The following MTUS1 variants were observed in gnomAD, a reference collection of about 807,000 sequenced individuals.
MTUS1 encodes microtubule-associated tumor suppressor 1.
Under a neutral mutation model 120.8 loss-of-function variants are expected in MTUS1, and 109 were observed. That is an observed-to-expected ratio of 0.90 (90% confidence interval 0.77 to 1.06). The LOEUF (loss-of-function observed/expected upper bound fraction) is 1.06. Among genes scored for constraint, MTUS1 ranks in the 50% least tolerant of loss-of-function variants. The pLI, the probability that MTUS1 is intolerant of heterozygous loss-of-function variation, is 0.00. For missense variants in MTUS1, 2,210 were observed against 1,486.3 expected, an observed-to-expected ratio of 1.49 and a Z score of -8.01; for synonymous variants, 737 against 550.5, an observed-to-expected ratio of 1.34 and a Z score of -4.74.
chr8:17,647,339 G>A (rs1400714961), intron 13 of MTUS1: 1 of 338,284 alleles, frequency 3.0e-6, no homozygotes, highest in Non-Finnish European at 5.3e-6. Context: ...TCCAGGTCAT[G>A]TTGTTTTGGA....
intron 6 of MTUS1, chr8:17,704,230 T>A (rs1489319455): frequency 2.6e-5 from 4 of 152,188 alleles, no homozygotes; most frequent in Non-Finnish European, 4.4e-5. Context: ...TTTTCTCCTA[T>A]CTCATAGGCT....
chr8:17,734,618 C>G (rs958925899), intron 3 of MTUS1, among the ~76,000 whole-genome samples: 3 of 152,108 alleles, frequency 2.0e-5, no homozygotes, highest in African/African-American at 7.2e-5. Flanking sequence ...AGTCACAGGC[C>G]TGGAACATGT....
intron 1 of MTUS1, among the ~76,000 whole-genome samples, chr8:17,766,076 T>G (rs1280751338): frequency 6.6e-6 from 1 of 152,208 alleles, no homozygotes; most frequent in East Asian, 1.9e-4. Context: ...AAAGCTTAAT[T>G]GTCACTTTAG....
intron 3 of MTUS1, chr8:17,724,066 T>C (rs1009670960): frequency 1.7e-6 from 1 of 580,628 alleles, no homozygotes; most frequent in Non-Finnish European, 3.1e-6. Flanking sequence ...ATGAGAAGTG[T>C]AGGAGTAACC....
chr8:17,739,370 G>C (rs1199870546), intron 3 of MTUS1, among the ~76,000 whole-genome samples: 1 of 152,098 alleles, frequency 6.6e-6, no homozygotes, highest in Admixed American at 6.6e-5. Flanking sequence ...GTTCATGCCT[G>C]TAATCCCAGC....
At chr8:17,682,789 C>G (rs1201220196) in intron 7 of MTUS1, among the ~76,000 whole-genome samples, 1 of 152,156 alleles carries the variant, frequency 6.6e-6, no homozygotes, top group Non-Finnish European at 1.5e-5. Context: ...TGATAGTATA[C>G]AGTTTCTAGT....
At chr8:17,674,284 G>T (rs1812615128) in intron 8 of MTUS1, among the ~76,000 whole-genome samples, 1 of 152,094 alleles carries the variant, frequency 6.6e-6, no homozygotes, top group African/African-American at 2.4e-5. Context: ...GCTGGGTGTG[G>T]TGGTGTGCTC....
intron 8 of MTUS1, among the ~76,000 whole-genome samples, chr8:17,662,828 G>A (rs955487510): frequency 1.5e-5 from 2 of 132,570 alleles, no homozygotes; most frequent in Non-Finnish European, 3.2e-5. Context: ...CAGTTCTCAG[G>A]ATTTAAGGAA....
intron 4 of MTUS1, among the ~76,000 whole-genome samples, chr8:17,721,043 A>G (rs191341673): frequency 2.0e-5 from 3 of 152,318 alleles, no homozygotes. Flanking sequence ...CCCAGTGCTA[A>G]TTTTACAACA....
chr8:17,701,051 A>C (rs186415292), intron 6 of MTUS1, among the ~76,000 whole-genome samples: 1 of 152,236 alleles, frequency 6.6e-6, no homozygotes, highest in East Asian at 1.9e-4. Flanking sequence ...TTTATCTGTT[A>C]TTGTTTGTTG....
chr8:17,792,632 G>A lies in MTUS1; in HGVS notation c.-155+8429C>T, dbSNP rs531704231. Among the ~76,000 whole-genome samples, 160 of 152,344 alleles carry A rather than the reference G, an allele frequency of 1.1e-3. 4 individuals are homozygous for A. In the South Asian group the frequency reaches 0.03, roughly 29 times the overall value. On this transcript the variant is annotated intron_variant, in intron 1 of 14. Coordinates refer to ENST00000693296, the MANE Select transcript of MTUS1 (RefSeq NM_001363059.2). ...TAATCCCAGCACTTTGGAAGGACAA[G>A]GTGGACAGATCGCCTGAGGCCAGGA... is the stretch of plus-strand genomic sequence containing the variant.
intron 7 of MTUS1, among the ~76,000 whole-genome samples, chr8:17,681,906 TATAAA>T (rs1814600410): frequency 6.6e-6 from 1 of 152,130 alleles, no homozygotes; most frequent in Non-Finnish European, 1.5e-5. Context: ...CAAATATATA[TATAAA>T]ATAATATTTC....
rs1032324862 is a variant in MTUS1 at position 17,767,385 on chromosome 8, TAAA to T, written c.-154-11427_-154-11425del. Among the ~76,000 whole-genome samples, 3 of 150,164 alleles carry T rather than the reference TAAA, an allele frequency of 2.0e-5. No homozygotes were observed. The East Asian group carries it at 5.8e-4, about 29-fold the overall frequency. On this transcript the variant is annotated intron_variant, in intron 1 of 14. Transcript: ENST00000693296. ...GTGATTAAAGCTTCCATTAGCAGTT[TAAA>T]AAAAAAGAGTGAGAGGAGGTAAAAG...
chr8:17,778,555 G>A (rs1277710952), intron 1 of MTUS1, among the ~76,000 whole-genome samples: 2 of 152,100 alleles, frequency 1.3e-5, no homozygotes, highest in African/African-American at 4.8e-5. Context: ...GGTGGCTCAC[G>A]CCTGTAATCC....
intron 3 of MTUS1, 195 bp from the exon 4 acceptor site, chr8:17,724,028 A>G (rs1004015737): frequency 1.6e-5 from 9 of 579,768 alleles, no homozygotes; most frequent in Admixed American, 3.2e-5. Context: ...TAGAGGCAAG[A>G]GAGCAGAAAT....
At chr8:17,674,743 T>G in intron 8 of MTUS1, 2 of 995,564 alleles carry the variant, frequency 2.0e-6, no homozygotes, top group Non-Finnish European at 2.4e-6. Flanking sequence ...CAAGTTGCCT[T>G]CATGGACAGC....
intron 6 of MTUS1, among the ~76,000 whole-genome samples, chr8:17,692,451 G>C (rs1817142842): frequency 6.6e-6 from 1 of 152,158 alleles, no homozygotes; most frequent in Non-Finnish European, 1.5e-5. Context: ...CAACCTCAAA[G>C]CTGCTTTTCT....
chr8:17,776,702 AAAAAAT>A (rs1304171856), intron 1 of MTUS1, among the ~76,000 whole-genome samples: 1 of 151,150 alleles, frequency 6.6e-6, no homozygotes, highest in East Asian at 1.9e-4. Flanking sequence ...AAAAAAAAAA[AAAAAAT>A]CTCAGATACA....
chr8:17,776,678 CAAAAAAAAAAAAAAAAAA>C (rs71215272), intron 1 of MTUS1, among the ~76,000 whole-genome samples: 5 of 55,156 alleles, frequency 9.1e-5, no homozygotes, highest in Non-Finnish European at 1.2e-4. Flanking sequence ...GACTCTGTCT[CAAAAAAAAAAAAAAAAAA>C]AAAAAAAAAA....
Sources: allele counts gnomAD v4.1 joint callset (sites outside exome capture counted in the v4.1 genomes callset), GRCh38; gene constraint gnomAD v4.1.1; transcripts MANE v1.5; gene names NCBI Gene and HGNC (gene_info 2026-07-23, HGNC 2026-07-21).